Variants in FAM83B observed in about 807,000 individuals in gnomAD.
The protein encoded by FAM83B is scaffolding CK1 anchoring protein B.
A neutral mutation model predicts 38.8 loss-of-function variants in FAM83B; 26 were observed. The observed-to-expected ratio is 0.67, with a 90% confidence interval of 0.49 to 0.93. The LOEUF is 0.93. Ranked by LOEUF, FAM83B falls within the 40% of genes least tolerant of loss-of-function variation. The pLI is 0.00. For missense variants in FAM83B, 1,237 were observed against 1,197.3 expected (o/e 1.03, Z -0.49); for synonymous variants, 419 against 423.1 (o/e 0.99, Z 0.12).
At chr6:54,848,883 T>G (rs1422409912) in intron 1 of FAM83B, among the ~76,000 whole-genome samples, 1 of 152,216 alleles carries the variant, frequency 6.6e-6, no homozygotes, top group Non-Finnish European at 1.5e-5. Context: ...TTGGTAAAAT[T>G]TCAAGTTGTC....
intron 1 of FAM83B, among the ~76,000 whole-genome samples, chr6:54,858,368 G>A (rs141069222): frequency 1.5e-3 from 229 of 152,258 alleles, no homozygotes; most frequent in Non-Finnish European, 2.9e-3. Context: ...AGTGAGGGAT[G>A]CATTCTTCTT....
In FAM83B at chr6:54,940,950, T is replaced by C; in HGVS notation, c.1979T>C (p.Leu660Pro). The C allele has an allele frequency of 6.2e-7, 1 of 1,613,620 alleles. No individual in the cohort carries two copies. The part of the protein sequence containing the change: ...NLKNQQTENL[L>P]KRRSFPLFDN... ...AAGAATCAACAGACTGAGAATCTAC[T>C]TAAAAGGCGAAGTTTCCCGTTATTT... The change falls in exon 5 of 5, where the codon CTT (leucine) becomes CCT (proline). Residue 660 changes from leucine (L) to proline (P), a missense_variant. Physicochemically the swap from Leu to Pro is moderately conservative, Grantham distance 98. Transcript: ENST00000306858.
chr6:54,896,347 GA>G (rs1339538293), intron 2 of FAM83B, among the ~76,000 whole-genome samples: 8 of 152,236 alleles, frequency 5.3e-5, no homozygotes, highest in African/African-American at 1.9e-4. Context: ...AACAAGAAAT[GA>G]ACAAATTATC....
rs142805287 is a variant in FAM83B, at chr6:54,901,854, T to G, written c.445-24517T>G. Among the ~76,000 whole-genome samples, 380 of 152,288 alleles carry G rather than the reference T, an allele frequency of 2.5e-3. 2 individuals are homozygous for G. The highest frequency in any genetic ancestry group is 8.7e-3 in the African/African-American group (360 of 41,580). On this transcript the variant is annotated intron_variant, in intron 2 of 4. Coordinates refer to ENST00000306858, the MANE Select transcript of FAM83B (RefSeq NM_001010872.3). ...TGTCATTTTTATGACAAACAGCTAA[T>G]TTGAAGACTATATTTCCTTCCTGTA... is the stretch of plus-strand genomic sequence containing the variant.
intron 2 of FAM83B, among the ~76,000 whole-genome samples, chr6:54,871,346 GT>G (rs1279103661): frequency 6.6e-6 from 1 of 151,892 alleles, no homozygotes; most frequent in African/African-American, 2.4e-5. Context: ...GTTATTAAGA[GT>G]TTTGTATCTA....
intron 2 of FAM83B, among the ~76,000 whole-genome samples, chr6:54,882,585 A>G (rs1772158205): frequency 1.3e-5 from 2 of 152,150 alleles, no homozygotes; most frequent in Admixed American, 1.3e-4. Context: ...CCAGCTGAAC[A>G]TTCACAACCA....
intron 2 of FAM83B, among the ~76,000 whole-genome samples, chr6:54,924,721 C>T (rs1000764202): frequency 3.9e-5 from 6 of 151,992 alleles, no homozygotes; most frequent in African/African-American, 1.2e-4. Context: ...TCATACCTTA[C>T]AGTCAGTCCA....
At chr6:54,868,667 T>G (rs988509122) in intron 1 of FAM83B, among the ~76,000 whole-genome samples, 1 of 152,158 alleles carries the variant, frequency 6.6e-6, no homozygotes, top group African/African-American at 2.4e-5. Context: ...AGAATTCAGA[T>G]GCTGCCATCC....
chr6:54,902,464 A>G lies in FAM83B; in HGVS notation c.445-23907A>G, dbSNP rs903664729. On this transcript the variant is annotated intron_variant, in intron 2 of 4. Coordinates refer to ENST00000306858, the MANE Select transcript of FAM83B (RefSeq NM_001010872.3). ...ATTTCTTCTTTTCTGGGGTTATGTT[A>G]TTAGGAATTGTGCAGGTGTCATGAT... Among the ~76,000 whole-genome samples, 6 of 152,268 alleles carry G rather than the reference A, an allele frequency of 3.9e-5. No homozygotes were observed. In the East Asian group the frequency reaches 5.8e-4, roughly 15 times the overall value.
rs1431338111 is a variant in FAM83B, at chr6:54,940,447, A to T, written c.1476A>T (p.Leu492=). The change falls in exon 5 of 5, where the codon CTA becomes CTT. Residue 492 remains leucine (L), a synonymous_variant. Coordinates refer to ENST00000306858, the MANE Select transcript of FAM83B (RefSeq NM_001010872.3). ...TTGAACATACCACAAAGTCATTCCT[A>T]CGTAACTGGAGAATTGAATCCTACT... ...PTLEHTTKSF[L]RNWRIESYLN... is the part of the protein sequence containing the mutation. 6.2e-7 allele frequency: 1 copy of T among 1,614,114 alleles called. No individual in the cohort carries two copies. Among genetic ancestry groups the T allele is most frequent in the Admixed American group, 1.7e-5 (1 of 60,002 alleles).
chr6:54,910,582 T>G (rs972616225), intron 2 of FAM83B, among the ~76,000 whole-genome samples: 3 of 152,126 alleles, frequency 2.0e-5, no homozygotes, highest in African/African-American at 7.2e-5. Flanking sequence ...TCACTTTCCG[T>G]TTGCTTGCTT....
intron 2 of FAM83B, among the ~76,000 whole-genome samples, chr6:54,887,221 A>G (rs975570464): frequency 6.6e-6 from 1 of 152,218 alleles, no homozygotes; most frequent in African/African-American, 2.4e-5. Flanking sequence ...ATTTTATTCA[A>G]CAAATACAGT....
intron 2 of FAM83B, among the ~76,000 whole-genome samples, chr6:54,903,515 G>T (rs239836): frequency 6.6e-6 from 1 of 152,036 alleles, no homozygotes; most frequent in African/African-American, 2.4e-5. Context: ...GCAAAACATG[G>T]TAGTTTAATT....
At chr6:54,935,435 T>C (rs894271961) in intron 4 of FAM83B, among the ~76,000 whole-genome samples, 1 of 152,080 alleles carries the variant, frequency 6.6e-6, no homozygotes, top group East Asian at 1.9e-4. Flanking sequence ...TCTAAGAGCA[T>C]GTCAGCAGGG....
intron 2 of FAM83B, among the ~76,000 whole-genome samples, chr6:54,875,616 G>T (rs1771971776): frequency 6.6e-6 from 1 of 152,032 alleles, no homozygotes; most frequent in African/African-American, 2.4e-5. Flanking sequence ...ATGTTTGAGA[G>T]ACAGGGCATG....
chr6:54,893,660 A>G (rs909218005), intron 2 of FAM83B, among the ~76,000 whole-genome samples: 2 of 152,214 alleles, frequency 1.3e-5, no homozygotes, highest in African/African-American at 4.8e-5. Flanking sequence ...ATATACAGCC[A>G]GTATCTAAAT....
chr6:54,899,485 C>CTATAACATAATGCCATA (rs1489573964), intron 2 of FAM83B, among the ~76,000 whole-genome samples: 5 of 152,154 alleles, frequency 3.3e-5, no homozygotes, highest in Non-Finnish European at 5.9e-5. Context: ...TTCAGGACTG[C>CTATAACATAATGCCATA]TATAACATAA....
intron 1 of FAM83B, among the ~76,000 whole-genome samples, chr6:54,869,812 A>G (rs117594941): frequency 6.6e-6 from 1 of 152,338 alleles, no homozygotes; most frequent in East Asian, 1.9e-4. Flanking sequence ...CAACTAATTA[A>G]TAAATTCCTG....
Position 54,942,904 on chromosome 6 carries a change from C to CTT in FAM83B, c.*907_*908dup, listed in dbSNP as rs552743958. Among the ~76,000 whole-genome samples the CTT allele has an allele frequency of 1.9e-4, 28 of 147,004 alleles. No homozygotes were observed. In the South Asian group the frequency reaches 2.6e-3, roughly 13 times the overall value. On this transcript the variant is annotated 3_prime_UTR_variant, in exon 5 of 5. Coordinates refer to ENST00000306858, the MANE Select transcript of FAM83B (RefSeq NM_001010872.3). ...GGTCTTGCTTGCGAAAATTCTTGCT[C>CTT]TTTTTTTTTTTCTTTTGAGATGGAG...
Sources: gnomAD v4.1 joint callset for allele counts (sites outside exome capture counted in the v4.1 genomes callset) on GRCh38, gnomAD v4.1.1 for gene constraint, MANE v1.5 for transcripts, NCBI Gene and HGNC (gene_info 2026-07-23, HGNC 2026-07-21) for gene names.